The following NCAM2 variants were observed in gnomAD, a reference collection of about 807,000 sequenced individuals.
NCAM2 encodes neural cell adhesion molecule 2.
Under a neutral mutation model 98.1 loss-of-function variants are expected in NCAM2, and 30 were observed. That is an observed-to-expected ratio of 0.31 (90% CI 0.23 to 0.41). The LOEUF is 0.41. NCAM2 is among the 10% of genes least tolerant of loss of function. The pLI, the probability that NCAM2 is intolerant of heterozygous loss-of-function variation, is 1.00. For synonymous variants in NCAM2, 368 were observed against 342.4 expected, an observed-to-expected ratio of 1.07 and a Z score of -0.83; for missense variants, 867 against 1,005.8, an observed-to-expected ratio of 0.86 and a Z score of 1.87.
In NCAM2 at chr21:21,292,846, A is replaced by T. The variant is rs866265494; in HGVS notation, c.619+605A>T. On this transcript the variant is annotated intron_variant, in intron 5 of 17. Coordinates refer to ENST00000400546, the MANE Select transcript of NCAM2 (RefSeq NM_004540.5). ...CTATAAAGAATACTCGAGACTGAGT[A>T]ATTTATAAAGAAAGGAGATTTAATT... Among the ~76,000 whole-genome samples the T allele has an allele frequency of 2.8e-4, 42 of 152,054 alleles. No individual in the cohort carries two copies. The Middle Eastern group carries it at 0.01, about 37-fold the overall frequency.
chr21:21,433,817 G>T (rs1478267423), intron 12 of NCAM2, among the ~76,000 whole-genome samples: 1 of 143,646 alleles, frequency 7.0e-6, no homozygotes, highest in Admixed American at 6.9e-5. Flanking sequence ...AGAGAAAAAG[G>T]AGGGTGGTAG....
chr21:21,271,998 C>T (rs201243207), intron 1 of NCAM2, among the ~76,000 whole-genome samples: 60 of 152,070 alleles, frequency 3.9e-4, no homozygotes, highest in Non-Finnish European at 2.9e-5. Flanking sequence ...ACATATGTAA[C>T]AAACCTGCAT....
Position 21,539,411 on chromosome 21 carries a change from C to T in NCAM2, c.*1454C>T, listed in dbSNP as rs2146442725. 1 of 152,214 alleles carries T rather than the reference C, an allele frequency of 6.6e-6. No individual in the cohort carries two copies. Among genetic ancestry groups the T allele is most frequent in the Non-Finnish European group, 1.5e-5 (1 of 68,020 alleles). The allele number at this position is 152,214 out of a possible 1,614,324, so 9.4% of individuals were successfully genotyped here. A position where few individuals can be genotyped will look rare whatever the true frequency, so the allele number is the denominator to read the frequency against. On this transcript the variant is annotated 3_prime_UTR_variant, in exon 18 of 18. Transcript: ENST00000400546. Reference sequence around the variant, plus strand: ...TATTATAGCTCAAATAGTGACAGGACAGGGAATGCGTTCCAAAGGAATATT... The same window carrying T: ...TATTATAGCTCAAATAGTGACAGGATAGGGAATGCGTTCCAAAGGAATATT...
Position 21,437,487 on chromosome 21 carries a change from T to TGTGTGTGTGTGTGC in NCAM2, c.1654+5219_1654+5220insCGTGTGTGTGTGTG, listed in dbSNP as rs990511069. On this transcript the variant is annotated intron_variant, in intron 12 of 17. Coordinates refer to ENST00000400546, the MANE Select transcript of NCAM2 (RefSeq NM_004540.5). ...CCCACCAAGATTCTGTGTGTGTGTGTGTGTGTGTGTGTGTTTCTAGCACAC... is the reference window on the plus strand; with the variant it reads ...CCCACCAAGATTCTGTGTGTGTGTGTGTGTGTGTGTGTGCGTGTGTGTGTGTGTTTCTAGCACAC... 5.3e-5 allele frequency among the ~76,000 whole-genome samples: 8 copies of TGTGTGTGTGTGTGC among 151,800 alleles called. No homozygotes were observed. In the South Asian group the frequency reaches 8.4e-4, roughly 16 times the overall value.
intron 5 of NCAM2, among the ~76,000 whole-genome samples, chr21:21,300,637 A>T (rs1354766976): frequency 6.6e-6 from 1 of 152,068 alleles, no homozygotes; most frequent in Non-Finnish European, 1.5e-5. Flanking sequence ...GAAAAAGGTG[A>T]TATTTTATAA....
intron 12 of NCAM2, among the ~76,000 whole-genome samples, chr21:21,445,402 C>T (rs760113373): frequency 2.0e-5 from 3 of 152,070 alleles, no homozygotes; most frequent in Non-Finnish European, 4.4e-5. Context: ...GATTTTCTGT[C>T]TTGTTGATTT....
At chr21:21,417,069 A>T (rs978390718) in intron 10 of NCAM2, among the ~76,000 whole-genome samples, 1 of 152,112 alleles carries the variant, frequency 6.6e-6, no homozygotes, top group Admixed American at 6.5e-5. Flanking sequence ...TCCAATGAAA[A>T]TGGCTCTATT....
At chr21:21,266,019 A>G (rs776772453) in intron 1 of NCAM2, among the ~76,000 whole-genome samples, 2 of 152,140 alleles carry the variant, frequency 1.3e-5, no homozygotes, top group Non-Finnish European at 2.9e-5. Context: ...TTTGATTTTG[A>G]AGCCTATCTA....
chr21:21,217,286 G>C (rs947864568), intron 1 of NCAM2, among the ~76,000 whole-genome samples: 1 of 152,066 alleles, frequency 6.6e-6, no homozygotes. Flanking sequence ...ACGTATAGTG[G>C]TCTAAGTCTG....
chr21:21,306,593 G>A (rs939129155), intron 5 of NCAM2, among the ~76,000 whole-genome samples: 2 of 151,964 alleles, frequency 1.3e-5, no homozygotes, highest in African/African-American at 4.8e-5. Context: ...ATATATTTAT[G>A]GGGTACATGA....
In NCAM2 at chr21:21,047,246, A is replaced by G. The variant is rs138110282; in HGVS notation, c.55+48628A>G. Reference sequence around the variant, plus strand: ...AAGTGTTCAATGATTTCTTTGATATAATTTAGTGAATTTTGGCTAAACACA... The same window carrying G: ...AAGTGTTCAATGATTTCTTTGATATGATTTAGTGAATTTTGGCTAAACACA... On this transcript the variant is annotated intron_variant, in intron 1 of 17. Transcript: ENST00000400546. Among the ~76,000 whole-genome samples, 1,466 of 152,300 alleles carry G rather than the reference A, an allele frequency of 9.6e-3. 19 individuals are homozygous for G. Among genetic ancestry groups the G allele is most frequent in the African/African-American group, 0.034 (1,409 of 41,578 alleles).
intron 14 of NCAM2, among the ~76,000 whole-genome samples, chr21:21,474,513 T>C (rs1984892080): frequency 3.9e-5 from 6 of 152,190 alleles, no homozygotes; most frequent in Admixed American, 6.5e-5. Context: ...TTTTTTTTTT[T>C]CTGGGGTAAT....
intron 2 of NCAM2, among the ~76,000 whole-genome samples, chr21:21,281,900 T>C (rs1045779859): frequency 1.3e-5 from 2 of 151,658 alleles, no homozygotes; most frequent in Non-Finnish European, 3.0e-5. Flanking sequence ...AAAGATATAG[T>C]TATAACATTT....
At chr21:20,999,680 A>G (rs1007682131) in intron 1 of NCAM2, among the ~76,000 whole-genome samples, 20 of 152,246 alleles carry the variant, frequency 1.3e-4, no homozygotes, top group Admixed American at 5.9e-4. Flanking sequence ...ATAATATAAT[A>G]AATTACAAGA....
intron 1 of NCAM2, among the ~76,000 whole-genome samples, chr21:21,045,459 C>T (rs1441461059): frequency 1.3e-5 from 2 of 152,066 alleles, no homozygotes; most frequent in Non-Finnish European, 2.9e-5. Flanking sequence ...ATCTGGGCAA[C>T]ATAGTGAGAC....
At chr21:21,532,037 A>C (rs1989733890) in intron 16 of NCAM2, among the ~76,000 whole-genome samples, 2 of 151,872 alleles carry the variant, frequency 1.3e-5, no homozygotes, top group Admixed American at 1.3e-4. Context: ...AATGGATAGG[A>C]GATTCGACAT....
chr21:21,264,835 T>A (rs1298129598), intron 1 of NCAM2, among the ~76,000 whole-genome samples: 5 of 142,550 alleles, frequency 3.5e-5, no homozygotes, highest in African/African-American at 1.3e-4. Flanking sequence ...TTCCACTTTA[T>A]ATACACACAT....
intron 1 of NCAM2, among the ~76,000 whole-genome samples, chr21:21,018,666 T>C (rs959380294): frequency 5.9e-5 from 9 of 152,252 alleles, no homozygotes; most frequent in African/African-American, 2.2e-4. Context: ...ATTTCATTTG[T>C]GTAAAGAGCT....
intron 12 of NCAM2, among the ~76,000 whole-genome samples, chr21:21,458,899 A>G (rs567927648): frequency 6.6e-6 from 1 of 152,190 alleles, no homozygotes; most frequent in Non-Finnish European, 1.5e-5. Flanking sequence ...CAACCAACAG[A>G]GCGAAAGGGA....
Sources: allele counts gnomAD v4.1 joint callset (sites outside exome capture counted in the v4.1 genomes callset), GRCh38; gene constraint gnomAD v4.1.1; transcripts MANE v1.5; gene names NCBI Gene and HGNC (gene_info 2026-07-23, HGNC 2026-07-21).